The following TPTE2 variants were observed in gnomAD, a reference collection of about 807,000 sequenced individuals.
The protein encoded by TPTE2 is transmembrane phosphoinositide 3-phosphatase and tensin homolog 2, also known as phosphatidylinositol 3,4,5-trisphosphate 3-phosphatase TPTE2.
TPTE2 carries 53 observed loss-of-function variants against 78.6 expected under a neutral mutation model. The observed-to-expected ratio is 0.67, with a 90% CI of 0.54 to 0.85. The LOEUF (loss-of-function observed/expected upper bound fraction) is 0.85, where lower values mean the gene tolerates loss of function less well. Ranked by LOEUF, TPTE2 falls within the 40% of genes least tolerant of loss-of-function variation. The pLI is 0.00. For synonymous variants in TPTE2, 175 were observed against 206.2 expected, an observed-to-expected ratio of 0.85 and a Z score of 1.30; for missense variants, 461 against 623.0, an observed-to-expected ratio of 0.74 and a Z score of 2.77.
At chr13:19,523,547 C>T (rs1870312019) in intron 1 of TPTE2, among the ~76,000 whole-genome samples, 1 of 152,104 alleles carries the variant, frequency 6.6e-6, no homozygotes, top group South Asian at 2.1e-4. Context: ...GCGATCTTGG[C>T]TCACTGCAAC....
At chr13:19,531,830 G>A (rs1870895900) in intron 1 of TPTE2, among the ~76,000 whole-genome samples, 1 of 152,112 alleles carries the variant, frequency 6.6e-6, no homozygotes, top group Admixed American at 6.5e-5. Flanking sequence ...GGGAGGCTGA[G>A]GCAGAAGAAT....
chr13:19,496,868 T>C (rs571322878), intron 1 of TPTE2, among the ~76,000 whole-genome samples: 132 of 152,314 alleles, frequency 8.7e-4, no homozygotes, highest in African/African-American at 3.1e-3. Context: ...CAGTGATTTC[T>C]GCATTTCCAT....
At chr13:19,441,271 G>T (rs1225769791) in intron 13 of TPTE2, among the ~76,000 whole-genome samples, 2 of 151,790 alleles carry the variant, frequency 1.3e-5, no homozygotes, top group African/African-American at 4.8e-5. Context: ...TTCTAGACGG[G>T]GCACAGCAGA....
At chr13:19,461,585 G>A (rs1414249594) in intron 10 of TPTE2, among the ~76,000 whole-genome samples, 3 of 152,142 alleles carry the variant, frequency 2.0e-5, no homozygotes, top group African/African-American at 4.8e-5. Context: ...CTGTCCGGTG[G>A]TAAGAGTGGG....
At chr13:19,498,577 A>C (rs886952705) in intron 1 of TPTE2, among the ~76,000 whole-genome samples, 2 of 151,926 alleles carry the variant, frequency 1.3e-5, no homozygotes, top group South Asian at 2.1e-4. Context: ...GAAATAAAAT[A>C]CTTTACAGAC....
At chr13:19,441,063 G>A (rs1877460682) in intron 13 of TPTE2, among the ~76,000 whole-genome samples, 1 of 151,562 alleles carries the variant, frequency 6.6e-6, no homozygotes, top group African/African-American at 2.4e-5. Context: ...CTCCAGCCTG[G>A]GCAACAAGAG....
At chr13:19,490,329 C>T (rs1193330256) in intron 3 of TPTE2, among the ~76,000 whole-genome samples, 1 of 152,094 alleles carries the variant, frequency 6.6e-6, no homozygotes, top group African/African-American at 2.4e-5. Context: ...ACTTAATTTT[C>T]TGATACAAAT....
chr13:19,467,239 A>T, exon 7 of TPTE2: 1 of 1,587,358 alleles, frequency 6.3e-7, no homozygotes, highest in African/African-American at 1.4e-5. Flanking sequence ...GAATATTCCT[A>T]AGCAACTTAA....
At chr13:19,504,031 C>A (rs1005698670), upstream of TPTE2, among the ~76,000 whole-genome samples, 1 of 152,084 alleles carries the variant, frequency 6.6e-6, no homozygotes, top group African/African-American at 2.4e-5. Context: ...TGAGCCACCA[C>A]GCCCGGCCTC....
intron 6 of TPTE2, among the ~76,000 whole-genome samples, chr13:19,472,960 G>A (rs909201825): frequency 5.9e-5 from 9 of 152,180 alleles, no homozygotes; most frequent in Non-Finnish European, 1.5e-5. Context: ...GACTTATAGT[G>A]GTACTGCCTT....
chr13:19,423,331 C>A (rs1301781743), intron 19 of TPTE2, among the ~76,000 whole-genome samples, 167 bp from the exon 23 acceptor site: 1 of 152,080 alleles, frequency 6.6e-6, no homozygotes, highest in East Asian at 1.9e-4. Context: ...TTTAGTGAGA[C>A]TTAAAAATAC....
At chr13:19,434,419 G>A (rs999816012) in intron 15 of TPTE2, among the ~76,000 whole-genome samples, 1 of 152,200 alleles carries the variant, frequency 6.6e-6, no homozygotes, top group Non-Finnish European at 1.5e-5. Flanking sequence ...GGAAGAGAAG[G>A]TTGGAAAAGT....
rs1876474032 is a variant in TPTE2 at position 19,430,390 on chromosome 13, T to G, written c.1302+78A>C. On this transcript the variant is annotated intron_variant, in intron 17 of 19. Coordinates refer to ENST00000400230, the Ensembl canonical transcript of TPTE2. ...TCTCTTTATGGTGAGTGATAGTTTATGGAGGTGAACATTGCTGGTTTGACA... is the reference window on the plus strand; with the variant it reads ...TCTCTTTATGGTGAGTGATAGTTTAGGGAGGTGAACATTGCTGGTTTGACA... 79 of 1,057,438 alleles carry G rather than the reference T, an allele frequency of 7.5e-5. 2 individuals carry two copies. The South Asian group carries it at 9.8e-4, about 13-fold the overall frequency. The allele number at this position is 1,057,438 out of a possible 1,614,324, so 65.5% of individuals were successfully genotyped here.
the TPTE2 span, among the ~76,000 whole-genome samples, chr13:19,547,720 C>CAT: frequency 7.6e-3 from 908 of 118,856 alleles, 16 homozygotes; most frequent in South Asian, 0.011. Flanking sequence ...AATAAATATA[C>CAT]ATATATATAT....
At chr13:19,548,159 T>C in the TPTE2 span, among the ~76,000 whole-genome samples, 1,646 of 152,312 alleles carry the variant, frequency 0.011, 30 homozygotes, top group African/African-American at 0.037. Context: ...TTGCAGTTAG[T>C]AGCAATGACC....
intron 6 of TPTE2, among the ~76,000 whole-genome samples, chr13:19,472,122 C>A (rs1879656931): frequency 6.6e-6 from 1 of 152,096 alleles, no homozygotes; most frequent in South Asian, 2.1e-4. Flanking sequence ...ATCTTTGGGA[C>A]TGTGATTATT....
At chr13:19,537,938 T>C (rs1366623876), upstream of TPTE2, among the ~76,000 whole-genome samples, 1 of 152,106 alleles carries the variant, frequency 6.6e-6, no homozygotes, top group Non-Finnish European at 1.5e-5. Flanking sequence ...ATTTTTCCTC[T>C]GGGCAAAAGA....
chr13:19,443,966 A>C (rs567703959), intron 13 of TPTE2, among the ~76,000 whole-genome samples: 3 of 152,270 alleles, frequency 2.0e-5, no homozygotes, highest in Admixed American at 2.0e-4. Context: ...CATGTACCAT[A>C]AAATCCAAAA....
intron 1 of TPTE2, among the ~76,000 whole-genome samples, chr13:19,513,922 T>C (rs1305796048): frequency 6.6e-6 from 1 of 152,156 alleles, no homozygotes; most frequent in African/African-American, 2.4e-5. Context: ...GTCACAGATA[T>C]CTTTGCTTCC....
Sources: gnomAD v4.1 joint callset for allele counts (sites outside exome capture counted in the v4.1 genomes callset) on GRCh38, gnomAD v4.1.1 for gene constraint, MANE v1.5 for transcripts, NCBI Gene and HGNC (gene_info 2026-07-23, HGNC 2026-07-21) for gene names.